The following TENT2 variants were observed in gnomAD, a reference collection of about 807,000 sequenced individuals.
TENT2 encodes terminal nucleotidyltransferase 2, also known as poly(A) RNA polymerase GLD2.
A neutral mutation model predicts 72.2 loss-of-function variants in TENT2; 44 were observed. The ratio of observed to expected loss-of-function variants is 0.61; its 90% CI spans 0.48 to 0.78. The LOEUF (loss-of-function observed/expected upper bound fraction) is 0.78. TENT2 is among the 30% of genes least tolerant of loss of function. TENT2 has a pLI of 0.00. For missense variants in TENT2, 541 were observed against 569.6 expected (o/e 0.95, Z 0.51); for synonymous variants, 212 against 192.5 (o/e 1.10, Z -0.84).
At chr5:79,648,809 T>C (rs1791230271) in intron 9 of TENT2, 116 bp downstream of exon 9, 1 of 852,580 alleles carries the variant, frequency 1.2e-6, no homozygotes, top group South Asian at 1.9e-5. Flanking sequence ...TGTATCTTAT[T>C]TTATTTGTAT....
rs187572255 is a variant in TENT2 at position 79,615,798 on chromosome 5, C to T, written c.-38+2723C>T. ...AGTCTCCTCGGCTCACTCCAACCTC[C>T]GTCTCCCTGGCTCAAGCGATCCTCC... On this transcript the variant is annotated intron_variant, in intron 1 of 14. Transcript: ENST00000453514. 4.3e-3 allele frequency among the ~76,000 whole-genome samples: 653 copies of T among 151,804 alleles called. 6 individuals are homozygous for T. The highest frequency in any genetic ancestry group is 0.014 in the African/African-American group (578 of 41,382).
At position 79,678,511 on chromosome 5, in the gene TENT2, GA is replaced by G. The variant is rs150894100; in HGVS notation, c.1209-1060del. Among the ~76,000 whole-genome samples the G allele has an allele frequency of 7.9e-5, 12 of 151,202 alleles. No homozygotes were observed. The East Asian group carries it at 2.3e-3, about 29-fold the overall frequency. On this transcript the variant is annotated intron_variant, in intron 12 of 14. Coordinates refer to ENST00000453514, the MANE Select transcript of TENT2 (RefSeq NM_001114394.3). Reference sequence around the variant, plus strand: ...AGTCATATACTTTAAAATGTTCCTTGAAAAAAAAGAAAATACTTGTAATAAC... The same window carrying G: ...AGTCATATACTTTAAAATGTTCCTTGAAAAAAAGAAAATACTTGTAATAAC...
intron 13 of TENT2, among the ~76,000 whole-genome samples, chr5:79,680,605 A>T (rs1473900136): frequency 6.6e-6 from 1 of 152,088 alleles, no homozygotes; most frequent in Non-Finnish European, 1.5e-5. Context: ...AAAAGTTTTG[A>T]CCTTTCCATC....
At chr5:79,645,842 C>T (rs1788437008) in intron 8 of TENT2, among the ~76,000 whole-genome samples, 1 of 99,534 alleles carries the variant, frequency 1.0e-5, no homozygotes, top group Non-Finnish European at 1.8e-5. Context: ...ATTGTGCCCA[C>T]AAACACACAC....
intron 14 of TENT2, among the ~76,000 whole-genome samples, chr5:79,683,732 G>A (rs967143886): frequency 5.6e-4 from 84 of 150,920 alleles, no homozygotes; most frequent in African/African-American, 1.9e-3. Flanking sequence ...CGGCTAAAAC[G>A]GTGAAACCCC....
intron 4 of TENT2, among the ~76,000 whole-genome samples, chr5:79,639,454 TAGATGTA>T (rs1397757513): frequency 6.6e-6 from 1 of 150,952 alleles, no homozygotes; most frequent in African/African-American, 2.5e-5. Flanking sequence ...CTTAGCAACT[TAGATGTA>T]AGAGCAGTGA....
chr5:79,620,653 T>C (rs1049332070), intron 3 of TENT2: 3 of 152,224 alleles, frequency 2.0e-5, no homozygotes, highest in Non-Finnish European at 2.9e-5. Flanking sequence ...ACCAGTCATA[T>C]TGGATTAACG....
chr5:79,627,324 A>T (rs909559573), intron 4 of TENT2, among the ~76,000 whole-genome samples: 4 of 152,162 alleles, frequency 2.6e-5, no homozygotes, highest in Admixed American at 2.0e-4. Flanking sequence ...ATTTCAGTAA[A>T]TTTAATAACA....
chr5:79,655,063 T>G (rs546891673), intron 10 of TENT2, among the ~76,000 whole-genome samples: 1 of 152,312 alleles, frequency 6.6e-6, no homozygotes, highest in Admixed American at 6.5e-5. Flanking sequence ...AGACTGAACC[T>G]GTAGTCCAGA....
At chr5:79,633,123 G>T (rs1159193895) in intron 4 of TENT2, among the ~76,000 whole-genome samples, 3 of 152,182 alleles carry the variant, frequency 2.0e-5, no homozygotes, top group Non-Finnish European at 4.4e-5. Context: ...AATTTGATGG[G>T]AAAGGGAATT....
intron 4 of TENT2, among the ~76,000 whole-genome samples, chr5:79,626,259 C>T (rs1769732028): frequency 6.6e-6 from 1 of 151,478 alleles, no homozygotes; most frequent in South Asian, 2.1e-4. Context: ...TCTCAGCCTC[C>T]TGAGTAGCTG....
chr5:79,641,438 T>G (rs1385686982), intron 6 of TENT2, among the ~76,000 whole-genome samples: 4 of 94,918 alleles, frequency 4.2e-5, no homozygotes, highest in East Asian at 2.8e-4. Flanking sequence ...TCACTATGTG[T>G]TTTTTTTTTT....
intron 4 of TENT2, among the ~76,000 whole-genome samples, chr5:79,625,856 G>A (rs1160331597): frequency 3.3e-5 from 5 of 151,080 alleles, no homozygotes; most frequent in Non-Finnish European, 7.4e-5. Context: ...TTGATATAGA[G>A]TCTAGCTCTG....
At chr5:79,661,026 A>T (rs903283186) in intron 11 of TENT2, among the ~76,000 whole-genome samples, 1 of 152,186 alleles carries the variant, frequency 6.6e-6, no homozygotes, top group Admixed American at 6.5e-5. Context: ...AGAAAATCTT[A>T]TAGAATAAGG....
chr5:79,616,800 G>C (rs1303946479), intron 1 of TENT2, among the ~76,000 whole-genome samples: 1 of 152,140 alleles, frequency 6.6e-6, no homozygotes, highest in Non-Finnish European at 1.5e-5. Flanking sequence ...TTGTTTTCTG[G>C]AGGTTAACCT....
intron 6 of TENT2, among the ~76,000 whole-genome samples, chr5:79,641,859 T>C (rs532587122): frequency 6.6e-6 from 1 of 152,072 alleles, no homozygotes; most frequent in South Asian, 2.1e-4. Context: ...ACATCCCTGA[T>C]GCAAATCTGA....
rs1043972392 is a variant in TENT2, at chr5:79,685,930, T to G, written c.*657T>G. On this transcript the variant is annotated 3_prime_UTR_variant, in exon 15 of 15. Transcript: ENST00000453514. ...AATTTTGTATTGAAACAACAATACA[T>G]TTTGCACTGTAGTAATGGGAGCACT... 1.3e-5 allele frequency: 2 copies of G among 152,772 alleles called. No individual in the cohort carries two copies. The highest frequency in any genetic ancestry group is 4.8e-5 in the African/African-American group (2 of 41,574). The allele number at this position is 152,772 out of a possible 1,614,324, so 9.5% of individuals were successfully genotyped here.
chr5:79,682,975 G>GACTAA (rs1394983284), intron 14 of TENT2, among the ~76,000 whole-genome samples: 9 of 152,012 alleles, frequency 5.9e-5, no homozygotes, highest in Non-Finnish European at 7.4e-5. Context: ...GATCATTTTA[G>GACTAA]AGGCATACTT....
intron 11 of TENT2, among the ~76,000 whole-genome samples, chr5:79,659,556 G>GTATATGTATATATATA (rs1554086833): frequency 2.9e-5 from 1 of 34,270 alleles, no homozygotes; most frequent in African/African-American, 1.3e-4. Context: ...AAAAAAAAAT[G>GTATATGTATATATATA]TATATATATA....
Sources: allele counts gnomAD v4.1 joint callset (sites outside exome capture counted in the v4.1 genomes callset), GRCh38; gene constraint gnomAD v4.1.1; transcripts MANE v1.5; gene names NCBI Gene and HGNC (gene_info 2026-07-23, HGNC 2026-07-21).